Variants in KCND2 observed in about 807,000 individuals in gnomAD.
KCND2 encodes potassium voltage-gated channel subfamily D member 2.
In KCND2, 16 loss-of-function variants were observed where a neutral mutation model predicts 54.4. The observed-to-expected ratio is 0.29, with a 90% CI of 0.20 to 0.45. The LOEUF is 0.45. KCND2 is among the 20% of genes least tolerant of loss of function. The pLI, the probability that KCND2 is intolerant of heterozygous loss-of-function variation, is 1.00. For missense variants in KCND2, 486 were observed against 824.2 expected (o/e 0.59, Z 5.02); for synonymous variants, 317 against 310.7 (o/e 1.02, Z -0.21).
At chr7:120,633,574 T>A (rs1793265227) in intron 1 of KCND2, among the ~76,000 whole-genome samples, 1 of 152,178 alleles carries the variant, frequency 6.6e-6, no homozygotes, top group Non-Finnish European at 1.5e-5. Context: ...ATCAAGATTA[T>A]CTTATATAAC....
intron 1 of KCND2, among the ~76,000 whole-genome samples, chr7:120,509,345 T>A (rs1215017502): frequency 6.6e-6 from 1 of 152,016 alleles, no homozygotes; most frequent in East Asian, 1.9e-4. Context: ...TATAAGATGT[T>A]AATAATGGGG....
intron 1 of KCND2, among the ~76,000 whole-genome samples, chr7:120,479,557 C>T (rs1802573568): frequency 6.6e-6 from 1 of 151,510 alleles, no homozygotes; most frequent in Non-Finnish European, 1.5e-5. Flanking sequence ...TTACTATTTA[C>T]TCATGGAAAT....
chr7:120,679,599 A>T (rs930420847), intron 1 of KCND2, among the ~76,000 whole-genome samples: 1 of 152,096 alleles, frequency 6.6e-6, no homozygotes, highest in Non-Finnish European at 1.5e-5. Context: ...TTTTATGCAC[A>T]TAATTATTTT....
In KCND2 at chr7:120,610,260, G is replaced by T. The variant is rs76343871; in HGVS notation, c.1116-122643G>T. Among the ~76,000 whole-genome samples, 1,458 of 152,190 alleles carry T rather than the reference G, an allele frequency of 9.6e-3. 23 individuals carry two copies. The highest frequency in any genetic ancestry group is 0.033 in the African/African-American group (1,370 of 41,534). The stretch of plus-strand genomic sequence containing the variant: ...AGCCATACTTCTTGGGCTCCCTGAG[G>T]ATTACAGAACCATGACTGAAACATT... On this transcript the variant is annotated intron_variant, in intron 1 of 5. Coordinates refer to ENST00000331113, the MANE Select transcript of KCND2 (RefSeq NM_012281.3).
At chr7:120,549,165 G>A (rs140163204) in intron 1 of KCND2, among the ~76,000 whole-genome samples, 3,306 of 152,076 alleles carry the variant, frequency 0.022, 57 homozygotes, top group Middle Eastern at 0.055. Context: ...GTTGCACATC[G>A]GATTTAGATG....
chr7:120,342,811 C>A (rs1800260036), intron 1 of KCND2, among the ~76,000 whole-genome samples: 1 of 151,958 alleles, frequency 6.6e-6, no homozygotes, highest in Non-Finnish European at 1.5e-5. Context: ...TAAACAAATA[C>A]TCATGTTGAA....
At chr7:120,726,341 C>T (rs912702356) in intron 1 of KCND2, among the ~76,000 whole-genome samples, 1 of 152,142 alleles carries the variant, frequency 6.6e-6, no homozygotes, top group East Asian at 1.9e-4. Flanking sequence ...AAAAAAAGGT[C>T]ATTTGCTATT....
intron 1 of KCND2, among the ~76,000 whole-genome samples, chr7:120,655,461 A>G (rs770693211): frequency 6.6e-6 from 1 of 152,090 alleles, no homozygotes. Flanking sequence ...TCCTTTCATC[A>G]CAGAAGAGAA....
At chr7:120,333,724 A>G (rs1399898093) in intron 1 of KCND2, among the ~76,000 whole-genome samples, 6 of 152,134 alleles carry the variant, frequency 3.9e-5, no homozygotes, top group Non-Finnish European at 7.4e-5. Context: ...CAGATATTTT[A>G]GCTAGCCACT....
At chr7:120,325,205 G>T (rs1295948292) in intron 1 of KCND2, among the ~76,000 whole-genome samples, 5 of 70,076 alleles carry the variant, frequency 7.1e-5, no homozygotes, top group African/African-American at 1.9e-4. Flanking sequence ...TTTGGGCTAA[G>T]AGAATGGGGT....
chr7:120,305,956 A>G (rs1013743109), intron 1 of KCND2, among the ~76,000 whole-genome samples: 2 of 152,176 alleles, frequency 1.3e-5, no homozygotes, highest in Non-Finnish European at 2.9e-5. Flanking sequence ...GTTTCCTAAC[A>G]TCTATGAGAA....
At chr7:120,466,551 C>G (rs1323231060) in intron 1 of KCND2, among the ~76,000 whole-genome samples, 5 of 151,984 alleles carry the variant, frequency 3.3e-5, no homozygotes, top group African/African-American at 1.2e-4. Context: ...CGAGATCATT[C>G]CTTTAGCAAT....
chr7:120,431,075 A>G (rs1481378244), intron 1 of KCND2, among the ~76,000 whole-genome samples: 1 of 152,210 alleles, frequency 6.6e-6, no homozygotes, highest in Admixed American at 6.5e-5. Context: ...CTGCAGCTTT[A>G]AAACATCAGC....
At chr7:120,502,191 C>A (rs1200118572) in intron 1 of KCND2, among the ~76,000 whole-genome samples, 2 of 151,908 alleles carry the variant, frequency 1.3e-5, no homozygotes, top group African/African-American at 2.4e-5. Context: ...ATATCAAAAC[C>A]CTGATTTATT....
At chr7:120,631,278 T>C (rs1167875660) in intron 1 of KCND2, among the ~76,000 whole-genome samples, 2 of 152,076 alleles carry the variant, frequency 1.3e-5, no homozygotes, top group African/African-American at 4.8e-5. Flanking sequence ...ACTATATTCA[T>C]AAAAAATGAA....
intron 1 of KCND2, among the ~76,000 whole-genome samples, chr7:120,497,022 T>C (rs73217259): frequency 4.6e-5 from 7 of 152,324 alleles, no homozygotes; most frequent in Non-Finnish European, 1.0e-4. Context: ...TAGGTTCTTC[T>C]TAAGATAAAG....
At chr7:120,334,120 T>C (rs986251308) in intron 1 of KCND2, among the ~76,000 whole-genome samples, 6 of 152,134 alleles carry the variant, frequency 3.9e-5, no homozygotes, top group African/African-American at 1.2e-4. Flanking sequence ...AAGAGGAACA[T>C]AAGAAAACCT....
At chr7:120,664,508 A>T (rs1039904005) in intron 1 of KCND2, among the ~76,000 whole-genome samples, 8 of 152,042 alleles carry the variant, frequency 5.3e-5, no homozygotes, top group African/African-American at 1.9e-4. Context: ...GGAAAAGAGA[A>T]TGGGAGAAAG....
At chr7:120,347,509 G>A (rs1438700301) in intron 1 of KCND2, among the ~76,000 whole-genome samples, 1 of 152,274 alleles carries the variant, frequency 6.6e-6, no homozygotes, top group African/African-American at 2.4e-5. Flanking sequence ...TGTAACCCCA[G>A]CACTTTGGGA....
Sources: gnomAD v4.1 joint callset for allele counts (sites outside exome capture counted in the v4.1 genomes callset) on GRCh38, gnomAD v4.1.1 for gene constraint, MANE v1.5 for transcripts, NCBI Gene and HGNC (gene_info 2026-07-23, HGNC 2026-07-21) for gene names.